Variants in GRIA3 observed in about 807,000 individuals in gnomAD.
GRIA3 encodes the protein glutamate ionotropic receptor AMPA type subunit 3.
Under a neutral mutation model 63.0 loss-of-function variants are expected in GRIA3, and 3 were observed. That is an observed-to-expected ratio of 0.05 (90% CI 0.02 to 0.12). The LOEUF is 0.12. Among genes scored for constraint, GRIA3 ranks in the 10% least tolerant of loss-of-function variants. The probability of loss-of-function intolerance (pLI) is 1.00; values close to 1 mark genes in which losing one functional copy is unlikely to be tolerated. For synonymous variants in GRIA3, 274 were observed against 257.9 expected (o/e 1.06, Z -0.60); for missense variants, 347 against 700.9 (o/e 0.50, Z 5.70).
At chrX:123,335,925 G>A (rs193147793) in intron 4 of GRIA3, among the ~76,000 whole-genome samples, 24 of 111,832 alleles carry the variant, frequency 2.1e-4, no homozygotes, top group African/African-American at 7.1e-4. Flanking sequence ...AAACATTAAT[G>A]AAATTTTTAA....
chrX:123,307,947 T>C (rs995336793), intron 3 of GRIA3, among the ~76,000 whole-genome samples: 1 of 111,529 alleles, frequency 9.0e-6, no homozygotes, highest in Non-Finnish European at 1.9e-5. Context: ...GTTTGGAATA[T>C]CTCCAGTAGT....
intron 3 of GRIA3, among the ~76,000 whole-genome samples, chrX:123,260,432 GA>G (rs2044447421): frequency 7.7e-5 from 1 of 12,932 alleles, no homozygotes; most frequent in African/African-American, 2.3e-4. Context: ...CAGACAGAAA[GA>G]AAGAAAGAAA....
chrX:123,297,396 A>G (rs767885093), intron 3 of GRIA3, among the ~76,000 whole-genome samples: 1 of 112,337 alleles, frequency 8.9e-6, no homozygotes, highest in Non-Finnish European at 1.9e-5. Context: ...GCTCTAATTC[A>G]TGTGGTTTAC....
chrX:123,330,059 A>G (rs1489678729), intron 4 of GRIA3, among the ~76,000 whole-genome samples: 1 of 111,825 alleles, frequency 8.9e-6, no homozygotes, highest in Non-Finnish European at 1.9e-5. Flanking sequence ...AAGTTATTCA[A>G]TTCTCTGTGC....
intron 3 of GRIA3, among the ~76,000 whole-genome samples, chrX:123,315,516 A>C (rs1427171544): frequency 1.8e-5 from 2 of 112,559 alleles, no homozygotes; most frequent in African/African-American, 6.4e-5. Flanking sequence ...GTGCTATAGA[A>C]GTCTTTCCAT....
At chrX:123,284,808 C>T (rs746201527) in intron 3 of GRIA3, among the ~76,000 whole-genome samples, 52 of 111,683 alleles carry the variant, frequency 4.7e-4, no homozygotes, top group African/African-American at 1.6e-3. Context: ...GAGAATGGAA[C>T]CAAGTTGGAA....
At chrX:123,435,775 G>A (rs1740805052) in intron 12 of GRIA3, among the ~76,000 whole-genome samples, 2 of 112,065 alleles carry the variant, frequency 1.8e-5, no homozygotes, top group African/African-American at 6.5e-5. Context: ...CATGTGTGTA[G>A]ATGAAACTAG....
intron 2 of GRIA3, among the ~76,000 whole-genome samples, chrX:123,217,285 G>A (rs1221225497): frequency 9.0e-6 from 1 of 111,171 alleles, no homozygotes; most frequent in Non-Finnish European, 1.9e-5. Flanking sequence ...CTCTCGTAAG[G>A]CAGCCAAGGA....
At chrX:123,326,705 A>G (rs1425579655) in intron 4 of GRIA3, among the ~76,000 whole-genome samples, 1 of 111,864 alleles carries the variant, frequency 8.9e-6, no homozygotes, top group Non-Finnish European at 1.9e-5. Flanking sequence ...CTGTCAGGAC[A>G]GTACTCACCA....
chrX:123,282,470 C>G (rs1359834177), intron 3 of GRIA3, among the ~76,000 whole-genome samples: 1 of 112,473 alleles, frequency 8.9e-6, no homozygotes, highest in African/African-American at 3.2e-5. Context: ...CCTGGTTTCT[C>G]TAGAAATAGG....
At chrX:123,265,417 C>G (rs2044482315) in intron 3 of GRIA3, among the ~76,000 whole-genome samples, 1 of 111,818 alleles carries the variant, frequency 8.9e-6, no homozygotes, top group Non-Finnish European at 1.9e-5. Context: ...ATACTGTATT[C>G]TTACAATAAA....
In GRIA3 at chrX:123,184,859, A is replaced by G. The variant is rs1927213101; in HGVS notation, c.109+215A>G. ...GTCTGAAGAGCCTCTGGGACAAGAG[A>G]GGGGTCTCCTGGGGCTAGTGGGGGT... On this transcript the variant is annotated intron_variant, in intron 1 of 15. Coordinates refer to ENST00000620443, the MANE Select transcript of GRIA3 (RefSeq NM_007325.5). 5 of 495,721 alleles carry G rather than the reference A, an allele frequency of 1.0e-5. No individual in the cohort carries two copies. In the East Asian group the frequency reaches 1.5e-4, roughly 15 times the overall value. 40.9% of individuals were successfully genotyped at this position (495,721 alleles called of 1,213,427 possible).
chrX:123,415,093 G>A (rs1269122510), intron 10 of GRIA3, among the ~76,000 whole-genome samples: 2 of 111,970 alleles, frequency 1.8e-5, no homozygotes, highest in Non-Finnish European at 3.8e-5. Flanking sequence ...GTTGTTTCCT[G>A]ACTTTTTAAT....
chrX:123,367,754 T>C (rs1286185692), intron 5 of GRIA3, among the ~76,000 whole-genome samples: 1 of 111,483 alleles, frequency 9.0e-6, no homozygotes, highest in Non-Finnish European at 1.9e-5. Context: ...TGTTGTTTGT[T>C]TGTTTGTTTG....
At chrX:123,426,897 C>A in intron 11 of GRIA3, among the ~76,000 whole-genome samples, 1 of 111,844 alleles carries the variant, frequency 8.9e-6, no homozygotes, top group African/African-American at 3.3e-5. Flanking sequence ...CTCCATCAGA[C>A]CAGGAGGATG....
At chrX:123,362,924 G>C (rs140161069) in intron 5 of GRIA3, among the ~76,000 whole-genome samples, 2 of 112,909 alleles carry the variant, frequency 1.8e-5, no homozygotes, top group East Asian at 5.6e-4. Context: ...GGTCAGACTA[G>C]AGAATAAAAT....
At position 123,428,086 on chromosome X, in the gene GRIA3, A is replaced by G; in HGVS notation, c.2023A>G (p.Thr675Ala). 1 of 1,206,265 alleles carries G rather than the reference A, an allele frequency of 8.3e-7. No individual in the cohort carries two copies. Among genetic ancestry groups the G allele is most frequent in the Non-Finnish European group, 1.1e-6 (1 of 890,851 alleles). Residue 675 changes from threonine (T) to alanine (A), a missense_variant, in exon 12 of 16, where the codon ACT (threonine) becomes GCT (alanine). Physicochemically the swap from Thr to Ala is moderately conservative, Grantham distance 58. Coordinates refer to ENST00000620443, the MANE Select transcript of GRIA3 (RefSeq NM_007325.5). ...IESAEDLAKQ[T>A]EIAYGTLDSG... The stretch of plus-strand genomic sequence containing the variant: ...GAGTGCTGAAGACTTAGCTAAACAG[A>G]CTGAAATTGCATATGGGACCCTGGA...
chrX:123,257,457 G>A (rs1355870670), intron 3 of GRIA3, among the ~76,000 whole-genome samples: 1 of 100,377 alleles, frequency 1.0e-5, no homozygotes, highest in Middle Eastern at 4.4e-3. Context: ...AGGAAGGGAA[G>A]AGAAAGAAGA....
At chrX:123,239,575 T>C (rs1273510200) in intron 2 of GRIA3, among the ~76,000 whole-genome samples, 8 of 111,787 alleles carry the variant, frequency 7.2e-5, no homozygotes, top group Non-Finnish European at 1.1e-4. Context: ...GAAGTTTCCA[T>C]TAGTCATTAA....
Sources: allele counts gnomAD v4.1 joint callset (sites outside exome capture counted in the v4.1 genomes callset), GRCh38; gene constraint gnomAD v4.1.1; transcripts MANE v1.5; gene names NCBI Gene and HGNC (gene_info 2026-07-23, HGNC 2026-07-21).